The following PPP3CC variants were observed in gnomAD, a reference collection of about 807,000 sequenced individuals.
PPP3CC encodes the protein serine/threonine-protein phosphatase 2B catalytic subunit gamma isoform.
A neutral mutation model predicts 60.3 loss-of-function variants in PPP3CC; 35 were observed. The observed-to-expected ratio is 0.58, with a 90% confidence interval of 0.44 to 0.77. The LOEUF is 0.77. PPP3CC is among the 30% of genes least tolerant of loss of function. PPP3CC has a pLI of 0.00. For synonymous variants in PPP3CC, 206 were observed against 224.3 expected (o/e 0.92, Z 0.73); for missense variants, 570 against 628.9 (o/e 0.91, Z 1.00).
At chr8:22,483,478 G>A (rs141060965) in intron 3 of PPP3CC, among the ~76,000 whole-genome samples, 517 of 152,252 alleles carry the variant, frequency 3.4e-3, no homozygotes, top group African/African-American at 0.012. Flanking sequence ...AGTAGAGACT[G>A]TGTTTCACAG....
At chr8:22,461,411 A>G (rs193242173) in intron 1 of PPP3CC, among the ~76,000 whole-genome samples, 143 of 152,294 alleles carry the variant, frequency 9.4e-4, no homozygotes, top group Non-Finnish European at 1.5e-3. Context: ...TTCCAGCAGT[A>G]TTGGATGTTG....
intron 1 of PPP3CC, among the ~76,000 whole-genome samples, chr8:22,448,627 C>T (rs1241509475): frequency 6.6e-6 from 1 of 152,064 alleles, no homozygotes; most frequent in African/African-American, 2.4e-5. Context: ...GATCTGCCCA[C>T]CTCCGCCTCC....
chr8:22,527,529 A>G lies in PPP3CC; in HGVS notation c.1069+12A>G, dbSNP rs753874090. The G allele has an allele frequency of 6.2e-7, 1 of 1,612,894 alleles. No homozygotes were observed. Among genetic ancestry groups the G allele is most frequent in the Non-Finnish European group, 8.5e-7 (1 of 1,179,688 alleles). ...TGTTGGGGAAAAAGGTAAGAGAACT[A>G]AAGCACATGTCTCATCAGTTGTTTG... On this transcript the variant is annotated intron_variant, in intron 9 of 13. Coordinates refer to ENST00000240139, the MANE Select transcript of PPP3CC (RefSeq NM_005605.5).
At chr8:22,503,569 A>G (rs555718504) in intron 4 of PPP3CC, among the ~76,000 whole-genome samples, 1 of 151,978 alleles carries the variant, frequency 6.6e-6, no homozygotes, top group Non-Finnish European at 1.5e-5. Flanking sequence ...AGGTGTATCT[A>G]TTTATGGAAT....
chr8:22,472,986 G>A (rs970079397), intron 1 of PPP3CC, among the ~76,000 whole-genome samples: 1 of 152,010 alleles, frequency 6.6e-6, no homozygotes, highest in African/African-American at 2.4e-5. Flanking sequence ...TCATTTTGTG[G>A]CACACAACTG....
At chr8:22,466,757 C>G (rs972915252) in intron 1 of PPP3CC, among the ~76,000 whole-genome samples, 1 of 152,060 alleles carries the variant, frequency 6.6e-6, no homozygotes, top group Non-Finnish European at 1.5e-5. Context: ...AAAATTTTTT[C>G]TGTTTTTGCT....
At chr8:22,510,727 T>G (rs1839062548) in intron 4 of PPP3CC, among the ~76,000 whole-genome samples, 1 of 152,204 alleles carries the variant, frequency 6.6e-6, no homozygotes, top group Non-Finnish European at 1.5e-5. Context: ...ATCAAAAATG[T>G]CAATGTGTGT....
intron 4 of PPP3CC, 76 bp from the exon 5 acceptor site, chr8:22,511,010 A>G: frequency 2.2e-4 from 274 of 1,232,110 alleles, no homozygotes; most frequent in Non-Finnish European, 2.9e-4. Context: ...GTAGCTTCAT[A>G]TTCTCCTGGC....
intron 6 of PPP3CC, among the ~76,000 whole-genome samples, 193 bp downstream of exon 6, chr8:22,513,625 T>C (rs933586690): frequency 1.2e-4 from 18 of 152,176 alleles, no homozygotes; most frequent in Admixed American, 3.9e-4. Flanking sequence ...CTAAGAAGTG[T>C]AATACACCAA....
At chr8:22,505,337 AT>A (rs1402271997) in intron 4 of PPP3CC, among the ~76,000 whole-genome samples, 4 of 152,028 alleles carry the variant, frequency 2.6e-5, no homozygotes, top group African/African-American at 9.7e-5. Context: ...TCCATGAACC[AT>A]TTTTTTAAAT....
intron 1 of PPP3CC, among the ~76,000 whole-genome samples, chr8:22,470,632 T>C (rs1370997056): frequency 6.6e-6 from 1 of 152,156 alleles, no homozygotes; most frequent in Non-Finnish European, 1.5e-5. Flanking sequence ...AAAGAAGATA[T>C]TCAAATGGCC....
intron 3 of PPP3CC, among the ~76,000 whole-genome samples, chr8:22,481,370 A>AATAATAATAAT (rs1491563683): frequency 6.8e-6 from 1 of 147,280 alleles, no homozygotes; most frequent in African/African-American, 2.5e-5. Context: ...TAATAATAAT[A>AATAATAATAAT]ATAATAATAA....
At chr8:22,493,656 A>G (rs1838475167) in intron 3 of PPP3CC, among the ~76,000 whole-genome samples, 1 of 152,138 alleles carries the variant, frequency 6.6e-6, no homozygotes, top group Non-Finnish European at 1.5e-5. Flanking sequence ...TTTCACCTCC[A>G]CATCTTGTCC....
chr8:22,523,199 A>G (rs1839455189), intron 8 of PPP3CC, among the ~76,000 whole-genome samples: 1 of 152,210 alleles, frequency 6.6e-6, no homozygotes, highest in African/African-American at 2.4e-5. Context: ...AAAGTCAAAA[A>G]AAAACCTTCA....
intron 4 of PPP3CC, among the ~76,000 whole-genome samples, chr8:22,510,038 G>A (rs937078883): frequency 1.9e-4 from 29 of 150,754 alleles, no homozygotes; most frequent in African/African-American, 7.0e-4. Context: ...ACAAAAATTA[G>A]CCGGGCGTGG....
chr8:22,444,605 C>T (rs555587802), intron 1 of PPP3CC, among the ~76,000 whole-genome samples: 9 of 152,296 alleles, frequency 5.9e-5, no homozygotes, highest in Non-Finnish European at 1.5e-5. Context: ...CAGCAGATTT[C>T]TTCTCTATCT....
chr8:22,486,732 G>GTTT (rs35858964), intron 3 of PPP3CC, among the ~76,000 whole-genome samples: 2 of 134,160 alleles, frequency 1.5e-5, no homozygotes, highest in Non-Finnish European at 1.6e-5. Flanking sequence ...TTTTTGTTTT[G>GTTT]TTTTTTTTTT....
At chr8:22,449,910 G>A (rs574387834) in intron 1 of PPP3CC, among the ~76,000 whole-genome samples, 6 of 147,616 alleles carry the variant, frequency 4.1e-5, no homozygotes, top group Admixed American at 2.0e-4. Context: ...GCTGTCGCCC[G>A]GGCTGGAATG....
chr8:22,534,861 G>T (rs1279354347), intron 12 of PPP3CC, among the ~76,000 whole-genome samples: 1 of 152,176 alleles, frequency 6.6e-6, no homozygotes, highest in African/African-American at 2.4e-5. Flanking sequence ...GCAAAAGCCA[G>T]ACATAAAAGA....
Sources: gnomAD v4.1 joint callset for allele counts (sites outside exome capture counted in the v4.1 genomes callset) on GRCh38, gnomAD v4.1.1 for gene constraint, MANE v1.5 for transcripts, NCBI Gene and HGNC (gene_info 2026-07-23, HGNC 2026-07-21) for gene names.